Variants in ALPK3 observed in about 807,000 individuals in gnomAD.
ALPK3 encodes alpha-protein kinase 3.
Under a neutral mutation model 140.0 loss-of-function variants are expected in ALPK3, and 102 were observed. The ratio of observed to expected loss-of-function variants is 0.73; its 90% confidence interval spans 0.62 to 0.86. ALPK3 has a LOEUF of 0.86. Ranked by LOEUF, ALPK3 falls within the 40% of genes least tolerant of loss-of-function variation. ALPK3 has a pLI of 0.00. For missense variants in ALPK3, 2,254 were observed against 2,208.2 expected, an observed-to-expected ratio of 1.02 and a Z score of -0.42; for synonymous variants, 938 against 898.5, an observed-to-expected ratio of 1.04 and a Z score of -0.79.
At chr15:84,862,956 C>T (rs1240223880) in intron 10 of ALPK3, 41 bp downstream of exon 10, 3 of 1,588,304 alleles carry the variant, frequency 1.9e-6, no homozygotes, top group East Asian at 2.2e-5. Context: ...TTTATTCTCT[C>T]ACCCCCTCCC....
intron 3 of ALPK3, among the ~76,000 whole-genome samples, chr15:84,830,044 T>C (rs1434721372): frequency 6.6e-6 from 1 of 152,272 alleles, no homozygotes; most frequent in Non-Finnish European, 1.5e-5. Context: ...TAACTGAACA[T>C]TGTAGCATAC....
Position 84,857,969 on chromosome 15 carries a change from C to T in ALPK3, c.3231C>T (p.Asp1077=), listed in dbSNP as rs142001827. ...TCACTGTCCCTGCCATTGTGGTAGA[C>T]GAGGAGGACCCTGGGCTGGCCTCAG... ...SSLTVPAIVV[D]EEDPGLASEG... is the part of the protein sequence containing the mutation. The change falls in exon 6 of 14, where the codon GAC becomes GAT. Residue 1077 remains aspartate (D), a synonymous_variant. Transcript: ENST00000258888. 102 of 1,607,058 alleles carry T rather than the reference C, an allele frequency of 6.3e-5. 1 individual carries two copies. Among genetic ancestry groups the T allele is most frequent in the South Asian group, 3.2e-4 (29 of 89,976 alleles).
Position 84,863,575 on chromosome 15 carries a change from T to C in ALPK3, c.4434T>C (p.Ser1478=). 6.2e-7 allele frequency: 1 copy of C among 1,613,956 alleles called. No individual in the cohort carries two copies. The highest frequency in any genetic ancestry group is 8.5e-7 in the Non-Finnish European group (1 of 1,179,944). ...AGGGGTGCAAGATCCAGAACATGAGTCGGGAGTACTGCAAAATCTTCGCAG... is the reference window on the plus strand; with the variant it reads ...AGGGGTGCAAGATCCAGAACATGAGCCGGGAGTACTGCAAAATCTTCGCAG... ...TIQGCKIQNM[S]REYCKIFAAE... Residue 1478 remains serine, a synonymous_variant, in exon 11 of 14, where the codon AGT becomes AGC. Transcript: ENST00000258888.
rs1963884281 is a variant in ALPK3, at chr15:84,857,765, G to A, written c.3027G>A (p.Arg1009=). The part of the protein sequence containing the change: ...PTVEVAGLSP[R]TSRRILERVE... Reference sequence around the variant, plus strand: ...TGGAAGTGGCTGGGCTTAGTCCCCGGACATCGAGGCGCATCCTGGAGCGTG... The same window carrying A: ...TGGAAGTGGCTGGGCTTAGTCCCCGAACATCGAGGCGCATCCTGGAGCGTG... Residue 1009 remains arginine, a synonymous_variant, in exon 6 of 14, where the codon CGG becomes CGA. Transcript: ENST00000258888. 1 of 1,613,076 alleles carries A rather than the reference G, an allele frequency of 6.2e-7. No individual in the cohort carries two copies. Among genetic ancestry groups the A allele is most frequent in the Non-Finnish European group, 8.5e-7 (1 of 1,179,354 alleles).
intron 1 of ALPK3, among the ~76,000 whole-genome samples, chr15:84,820,999 T>TC (rs397958100): frequency 9.9e-5 from 15 of 151,712 alleles, no homozygotes; most frequent in African/African-American, 3.4e-4. Flanking sequence ...CCTTTTTTTT[T>TC]CTTCTATTCT....
rs764015643 is a variant in ALPK3, at chr15:84,858,311, T to G, written c.3573T>G (p.Val1191=). 1.7e-5 allele frequency: 26 copies of G among 1,567,868 alleles called. 1 individual carries two copies. In the South Asian group the frequency reaches 3.0e-4, roughly 18 times the overall value. Residue 1191 remains valine (V), a synonymous_variant, in exon 6 of 14, where the codon GTT becomes GTG. Transcript: ENST00000258888. ...CTGAAGAAAGGGAGAGCCCCACGGT[T>G]TCCCCCCGGGGGCCCAGGAAAAGCC... ...TTPEERESPT[V]SPRGPRKSLV...
chr15:84,857,621 G>T lies in ALPK3; in HGVS notation c.2883G>T (p.Lys961Asn). The change falls in exon 6 of 14, where the codon AAG (lysine) becomes AAT (asparagine). Residue 961 changes from lysine (K) to asparagine (N), a missense_variant. Physicochemically the swap from Lys to Asn is moderately conservative, Grantham distance 94. Coordinates refer to ENST00000258888, the MANE Select transcript of ALPK3 (RefSeq NM_020778.5). ...SCDPGLIDSL[K>N]NYLLLLLKLS... ...ACCCTGGCCTCATAGATTCCCTGAA[G>T]AACTACCTGCTTCTGCTGCTGAAGC... The T allele has an allele frequency of 6.3e-7, 1 of 1,581,222 alleles. No homozygotes were observed. Among genetic ancestry groups the T allele is most frequent in the Non-Finnish European group, 8.6e-7 (1 of 1,159,906 alleles).
chr15:84,840,103 C>T lies in ALPK3; in HGVS notation c.824C>T (p.Thr275Ile). Residue 275 changes from threonine to isoleucine, a missense_variant, in exon 5 of 14, where the codon ACC (threonine) becomes ATC (isoleucine). Physicochemically the swap from Thr to Ile is moderately conservative, Grantham distance 89. Coordinates refer to ENST00000258888, the MANE Select transcript of ALPK3 (RefSeq NM_020778.5). ...AACAGTTTTGCTTCTGGAGAAGTGA[C>T]CACCAACGGGGAGGCTGCCCCCGAG... ...LINSFASGEV[T>I]TNGEAAPENG... 1 of 1,614,048 alleles carries T rather than the reference C, an allele frequency of 6.2e-7. No individual in the cohort carries two copies. The highest frequency in any genetic ancestry group is 8.5e-7 in the Non-Finnish European group (1 of 1,180,002).
At position 84,856,833 on chromosome 15, in the gene ALPK3, C is replaced by T; in HGVS notation, c.2095C>T (p.Gln699Ter). 3 of 1,613,614 alleles carry T rather than the reference C, an allele frequency of 1.9e-6. No individual in the cohort carries two copies. The highest frequency in any genetic ancestry group is 8.5e-7 in the Non-Finnish European group (1 of 1,179,706). Residue 699 changes from glutamine to a stop codon, truncating the protein, a stop_gained, in exon 6 of 14, where the codon CAG becomes TAG. Coordinates refer to ENST00000258888, the MANE Select transcript of ALPK3 (RefSeq NM_020778.5). LOFTEE classifies it high-confidence loss of function. ...GGGCACACAGGAAGACAGAAGGATGCAGGGAGAGAAGGGGATGCAGGGAGA... is the reference window on the plus strand; with the variant it reads ...GGGCACACAGGAAGACAGAAGGATGTAGGGAGAGAAGGGGATGCAGGGAGA... ...DKGTQEDRRM[Q>*]GEKGMQGEKG...
intron 5 of ALPK3, among the ~76,000 whole-genome samples, chr15:84,851,626 G>A (rs988151396): frequency 1.3e-5 from 2 of 151,976 alleles, no homozygotes; most frequent in African/African-American, 2.4e-5. Flanking sequence ...TTGAAAATAC[G>A]TGTGTGTGTG....
At position 84,858,010 on chromosome 15, in the gene ALPK3, G is replaced by A; in HGVS notation, c.3272G>A (p.Gly1091Asp). ...PGLASEGASE[G>D]EGEVSPEGPG... ...CTGGCCTCAGAAGGAGCCAGTGAGGGTGAAGGAGAGGTTTCCCCTGAGGGG... is the reference window on the plus strand; with the variant it reads ...CTGGCCTCAGAAGGAGCCAGTGAGGATGAAGGAGAGGTTTCCCCTGAGGGG... The change falls in exon 6 of 14, where the codon GGT (glycine) becomes GAT (aspartate). Residue 1091 changes from glycine (G) to aspartate (D), a missense_variant. This residue lies in a region of ALPK3 where 2,088 missense variants were observed against 2,022.9 expected (regional missense o/e 1.03). Transcript: ENST00000258888. 1 of 1,590,862 alleles carries A rather than the reference G, an allele frequency of 6.3e-7. No homozygotes were observed.
At chr15:84,826,439 C>T (rs529073003) in intron 2 of ALPK3, among the ~76,000 whole-genome samples, 6 of 152,152 alleles carry the variant, frequency 3.9e-5, no homozygotes, top group Admixed American at 1.3e-4. Flanking sequence ...TCCTCTCTGC[C>T]GCTCACAATG....
Position 84,871,920 on chromosome 15 carries a change from A to G in ALPK3, c.*3464A>G. On this transcript the variant is annotated 3_prime_UTR_variant, in exon 14 of 14. Transcript: ENST00000258888. Reference sequence around the variant, plus strand: ...CATGGATATTGATGGCAGGAGAGGCATGATGGGTTAGAAAAGCAAATCCAA... The same window carrying G: ...CATGGATATTGATGGCAGGAGAGGCGTGATGGGTTAGAAAAGCAAATCCAA... 6.6e-6 allele frequency: 1 copy of G among 152,314 alleles called. No homozygotes were observed. Among genetic ancestry groups the G allele is most frequent in the Non-Finnish European group, 1.5e-5 (1 of 68,078 alleles). The allele number at this position is 152,314 out of a possible 1,614,324, so 9.4% of individuals were successfully genotyped here.
At position 84,868,221 on chromosome 15, in the gene ALPK3, C is replaced by G. The variant is rs371706327; in HGVS notation, c.4883C>G (p.Pro1628Arg). The change falls in exon 14 of 14, where the codon CCG becomes CGG. Residue 1628 changes from proline (P) to arginine (R), a missense_variant. By Grantham distance (103) the Pro-to-Arg change is moderately radical. This residue lies in a region of ALPK3 where 158 missense variants were observed against 159.8 expected (regional missense o/e 0.99). Coordinates refer to ENST00000258888, the MANE Select transcript of ALPK3 (RefSeq NM_020778.5). ...ELLGLTPLKG[P>R]EAAHPQAKAK... ...CTGGGGCTGACACCTCTCAAGGGCCCGGAGGCGGCCCACCCCCAAGCCAAA... is the reference window on the plus strand; with the variant it reads ...CTGGGGCTGACACCTCTCAAGGGCCGGGAGGCGGCCCACCCCCAAGCCAAA... 1.9e-6 allele frequency: 3 copies of G among 1,614,032 alleles called. No homozygotes were observed. The South Asian group carries it at 3.3e-5, about 18-fold the overall frequency.
In ALPK3 at chr15:84,827,671, G is replaced by C. The variant is rs555571930; in HGVS notation, c.304+66G>C. 8 of 1,594,126 alleles carry C rather than the reference G, an allele frequency of 5.0e-6. No homozygotes were observed. The Admixed American group carries it at 1.2e-4, about 24-fold the overall frequency. The stretch of plus-strand genomic sequence containing the variant: ...ACAGAGCAGGGTCCAAGGAGGCTGT[G>C]AGGACAGGAATGGTGGGGTGGCGGG... On this transcript the variant is annotated intron_variant, in intron 3 of 13. Coordinates refer to ENST00000258888, the MANE Select transcript of ALPK3 (RefSeq NM_020778.5).
chr15:84,857,531 C>A lies in ALPK3; in HGVS notation c.2793C>A (p.Ser931Arg). 1 of 1,592,662 alleles carries A rather than the reference C, an allele frequency of 6.3e-7. No individual in the cohort carries two copies. Residue 931 changes from serine to arginine, a missense_variant, in exon 6 of 14, where the codon AGC (serine) becomes AGA (arginine). By Grantham distance (110) the Ser-to-Arg change is moderately radical. This residue lies in a region of ALPK3 where 2,088 missense variants were observed against 2,022.9 expected (regional missense o/e 1.03). Transcript: ENST00000258888. Reference sequence around the variant, plus strand: ...ACCCACCAGAAACCATGGCCACCAGCAGTGAGGGGGCCTGCGCCCAGGTAC... The same window carrying A: ...ACCCACCAGAAACCATGGCCACCAGAAGTGAGGGGGCCTGCGCCCAGGTAC... ...QSHPPETMAT[S>R]SEGACAQVPD...
At position 84,817,431 on chromosome 15, in the gene ALPK3, G is replaced by A. The variant is rs1156653140; in HGVS notation, c.-22G>A. The A allele has an allele frequency of 3.2e-6, 4 of 1,259,864 alleles. No individual in the cohort carries two copies. The East Asian group carries it at 9.9e-5, about 31-fold the overall frequency. The allele number at this position is 1,259,864 out of a possible 1,614,324, so 78.0% of individuals were successfully genotyped here. On this transcript the variant is annotated 5_prime_UTR_variant, in exon 1 of 14. Transcript: ENST00000258888. Reference sequence around the variant, plus strand: ...GCGAGGCAGCGGCGAGTGCGGGGCCGGCGGTCGGGGAGGGCGGTGCCATGG... The same window carrying A: ...GCGAGGCAGCGGCGAGTGCGGGGCCAGCGGTCGGGGAGGGCGGTGCCATGG...
intron 3 of ALPK3, among the ~76,000 whole-genome samples, chr15:84,833,084 TCAGA>T (rs1204145588): frequency 3.3e-5 from 5 of 152,192 alleles, no homozygotes; most frequent in African/African-American, 2.4e-5. Context: ...GCAGGGCTGC[TCAGA>T]CATTTATTTT....
Position 84,858,393 on chromosome 15 carries a change from A to C in ALPK3, c.3655A>C (p.Arg1219=). 6.4e-7 allele frequency: 1 copy of C among 1,555,008 alleles called. No individual in the cohort carries two copies. The highest frequency in any genetic ancestry group is 1.4e-5 in the African/African-American group (1 of 73,738). ...GGAGAGACGCTCCCCTACGCAGGGC[A>C]GAAAGGCGAGCATGCTGGAGGTGCC... ...GRERRSPTQG[R]KASMLEVPRA... The change falls in exon 6 of 14, where the codon AGA becomes CGA. Residue 1219 remains arginine, a synonymous_variant. Transcript: ENST00000258888.
Sources: gnomAD v4.1 joint callset for allele counts (sites outside exome capture counted in the v4.1 genomes callset) on GRCh38, gnomAD v4.1.1 for gene constraint, gnomAD v4.1.1 regional missense constraint, MANE v1.5 for transcripts, NCBI Gene and HGNC (gene_info 2026-07-23, HGNC 2026-07-21) for gene names.